Variants in GFPT1 observed in about 807,000 individuals in gnomAD.
The protein encoded by GFPT1 is glutamine--fructose-6-phosphate transaminase 1, also known as glutamine--fructose-6-phosphate aminotransferase [isomerizing] 1.
In GFPT1, 40 loss-of-function variants were observed where a neutral mutation model predicts 92.0. The observed-to-expected ratio is 0.43, with a 90% CI of 0.34 to 0.57. The LOEUF (loss-of-function observed/expected upper bound fraction) is 0.57, where lower values mean the gene tolerates loss of function less well. Ranked by LOEUF, GFPT1 falls within the 20% of genes least tolerant of loss-of-function variation. The pLI is 0.02. For missense variants in GFPT1, 448 were observed against 869.1 expected, an observed-to-expected ratio of 0.52 and a Z score of 6.09; for synonymous variants, 269 against 280.6, an observed-to-expected ratio of 0.96 and a Z score of 0.41.
At chr2:69,368,365 G>T (rs972968343) in intron 3 of GFPT1, among the ~76,000 whole-genome samples, 1 of 152,036 alleles carries the variant, frequency 6.6e-6, no homozygotes, top group Non-Finnish European at 1.5e-5. Context: ...CTGTGCAACA[G>T]ACCAAGAGTC....
intron 1 of GFPT1, 145 bp from the exon 2 acceptor site, chr2:69,374,258 G>A (rs1254865064): frequency 1.9e-6 from 1 of 524,946 alleles, no homozygotes; most frequent in African/African-American, 1.9e-5. Flanking sequence ...ACTTTTTCAA[G>A]GGGGAGTTTC....
chr2:69,330,245 C>A (rs148236274), intron 15 of GFPT1, among the ~76,000 whole-genome samples: 1 of 152,058 alleles, frequency 6.6e-6, no homozygotes, highest in Non-Finnish European at 1.5e-5. Context: ...TGAACTGAAC[C>A]AGTACTTGGG....
rs114155290 is a variant in GFPT1, at chr2:69,360,573, G to A, written c.350-1247C>T. On this transcript the variant is annotated intron_variant, in intron 4 of 19. Transcript: ENST00000357308. ...TCCACATCAGCCTTCCAAGCAGCTG[G>A]GATTACAGCTGCTTACACCACACTC... Among the ~76,000 whole-genome samples the A allele has an allele frequency of 2.9e-3, 447 of 151,576 alleles. 1 individual carries two copies. Among genetic ancestry groups the A allele is most frequent in the African/African-American group, 0.01 (423 of 41,286 alleles).
At position 69,373,979 on chromosome 2, in the gene GFPT1, A is replaced by G. The variant is rs1359961340; in HGVS notation, c.115+27T>C. The G allele has an allele frequency of 3.9e-6, 4 of 1,022,036 alleles. No homozygotes were observed. In the African/African-American group the frequency reaches 4.7e-5, roughly 12 times the overall value. The allele number at this position is 1,022,036 out of a possible 1,614,324, so 63.3% of individuals were successfully genotyped here. A position where few individuals can be genotyped will look rare whatever the true frequency, so the allele number is the denominator to read the frequency against. On this transcript the variant is annotated intron_variant, in intron 2 of 19. Transcript: ENST00000357308. ...TAGTATCTATTTAAAGAATCATGCA[A>G]AATCCATAGTATTTTTTTTAAAGTA... is the stretch of plus-strand genomic sequence containing the variant.
rs1670373010 is a variant in GFPT1, at chr2:69,320,144, T to C, written c.*6045A>G. 1 of 152,328 alleles carries C rather than the reference T, an allele frequency of 6.6e-6. No homozygotes were observed. The highest frequency in any genetic ancestry group is 3.4e-3 in the Middle Eastern group (1 of 294). The allele number at this position is 152,328 out of a possible 1,614,324, so 9.4% of individuals were successfully genotyped here. A position where few individuals can be genotyped will look rare whatever the true frequency, so the allele number is the denominator to read the frequency against. The stretch of plus-strand genomic sequence containing the variant: ...ACAACAATGTAACCTAAAAGGGAGC[T>C]ACTGGCAGAAATAAAAACTAGTGAT... On this transcript the variant is annotated 3_prime_UTR_variant, in exon 20 of 20. Transcript: ENST00000357308.
At chr2:69,348,481 C>T in intron 10 of GFPT1, 147 bp from the exon 11 acceptor site, 1 of 723,548 alleles carries the variant, frequency 1.4e-6, no homozygotes, top group South Asian at 1.5e-5. Flanking sequence ...CTAATGCCAA[C>T]CCCTACAGGA....
intron 2 of GFPT1, among the ~76,000 whole-genome samples, chr2:69,373,536 C>T (rs1367418212): frequency 6.6e-6 from 1 of 152,048 alleles, no homozygotes; most frequent in African/African-American, 2.4e-5. Context: ...GGGAGGATTG[C>T]CTGAGCCCAG....
chr2:69,385,815 GT>G (rs1343967450), intron 1 of GFPT1, among the ~76,000 whole-genome samples: 1 of 151,806 alleles, frequency 6.6e-6, no homozygotes, highest in Non-Finnish European at 1.5e-5. Flanking sequence ...CTATTTATAG[GT>G]GTTTCTGTTT....
chr2:69,374,504 G>A (rs1463117732), intron 1 of GFPT1, among the ~76,000 whole-genome samples: 1 of 151,874 alleles, frequency 6.6e-6, no homozygotes, highest in Non-Finnish European at 1.5e-5. Context: ...TAGTAGAAAC[G>A]GGGTTTTACT....
At chr2:69,369,107 T>C (rs1352928386) in intron 3 of GFPT1, among the ~76,000 whole-genome samples, 2 of 152,216 alleles carry the variant, frequency 1.3e-5, no homozygotes, top group African/African-American at 4.8e-5. Context: ...TAGTAGATAT[T>C]TATACTACTG....
intron 2 of GFPT1, among the ~76,000 whole-genome samples, chr2:69,370,978 C>T (rs1036339267): frequency 1.3e-5 from 2 of 151,172 alleles, no homozygotes; most frequent in Admixed American, 1.3e-4. Context: ...CCAGCCTGGG[C>T]GACAGAGTGA....
intron 7 of GFPT1, among the ~76,000 whole-genome samples, chr2:69,356,142 T>C (rs1671332452): frequency 6.6e-6 from 1 of 151,954 alleles, no homozygotes; most frequent in South Asian, 2.1e-4. Flanking sequence ...TACAGGCATG[T>C]GCTACCACAC....
At chr2:69,328,000 G>A (rs980352793) in intron 18 of GFPT1, among the ~76,000 whole-genome samples, 13 of 150,554 alleles carry the variant, frequency 8.6e-5, no homozygotes, top group Admixed American at 8.0e-4. Context: ...TTGGGAGGCT[G>A]AGGCAGGAAA....
chr2:69,366,809 C>T (rs1671622622), intron 3 of GFPT1, among the ~76,000 whole-genome samples: 1 of 152,152 alleles, frequency 6.6e-6, no homozygotes, highest in African/African-American at 2.4e-5. Flanking sequence ...GGCCGTAGTG[C>T]TTCAATAATT....
At chr2:69,347,365 T>G (rs1222170764) in intron 11 of GFPT1, among the ~76,000 whole-genome samples, 1 of 152,120 alleles carries the variant, frequency 6.6e-6, no homozygotes, top group Non-Finnish European at 1.5e-5. Context: ...TTAGTTTTTA[T>G]TCCTACCACA....
intron 1 of GFPT1, among the ~76,000 whole-genome samples, chr2:69,376,070 T>C (rs1671863767): frequency 6.6e-6 from 1 of 152,368 alleles, no homozygotes; most frequent in East Asian, 1.9e-4. Context: ...AATAACCCAA[T>C]TGTAAATCAA....
intron 9 of GFPT1, among the ~76,000 whole-genome samples, chr2:69,351,254 G>C (rs976714461): frequency 3.2e-4 from 49 of 152,088 alleles, no homozygotes; most frequent in South Asian, 2.5e-3. Flanking sequence ...TACTTAATTT[G>C]TCAAGACATT....
At chr2:69,358,511 TA>T (rs753995792) in intron 5 of GFPT1, 48 bp from the exon 6 acceptor site, 4 of 1,293,398 alleles carry the variant, frequency 3.1e-6, no homozygotes, top group East Asian at 2.5e-5. Flanking sequence ...ATATTAATGA[TA>T]AAAAAACCTT....
intron 1 of GFPT1, among the ~76,000 whole-genome samples, chr2:69,375,643 TAC>T (rs754077440): frequency 2.0e-5 from 3 of 152,172 alleles, no homozygotes; most frequent in Non-Finnish European, 4.4e-5. Context: ...TAAAAAAAGA[TAC>T]ACACACACCT....
Sources: gnomAD v4.1 joint callset for allele counts (sites outside exome capture counted in the v4.1 genomes callset) on GRCh38, gnomAD v4.1.1 for gene constraint, MANE v1.5 for transcripts, NCBI Gene and HGNC (gene_info 2026-07-23, HGNC 2026-07-21) for gene names.